Variants in IMPG2 observed in about 807,000 individuals in gnomAD.
IMPG2 encodes interphotoreceptor matrix proteoglycan 2, also known as IPM 200.
A neutral mutation model predicts 129.2 loss-of-function variants in IMPG2; 91 were observed. The observed-to-expected ratio is 0.70, with a 90% CI of 0.59 to 0.84. The LOEUF is 0.84. IMPG2 is among the 40% of genes least tolerant of loss of function. The probability of loss-of-function intolerance (pLI) is 0.00; values close to 1 mark genes in which losing one functional copy is unlikely to be tolerated. For missense variants in IMPG2, 1,430 were observed against 1,461.7 expected (o/e 0.98, Z 0.35); for synonymous variants, 510 against 517.7 (o/e 0.99, Z 0.20).
In IMPG2 at chr3:101,228,805, C is replaced by T; in HGVS notation, c.3705G>A (p.Glu1235=). 3.1e-6 allele frequency: 5 copies of T among 1,613,578 alleles called. No individual in the cohort carries two copies. The highest frequency in any genetic ancestry group is 4.2e-6 in the Non-Finnish European group (5 of 1,179,560). The change falls in exon 18 of 19, where the codon GAG becomes GAA. Residue 1235 remains glutamate (E), a synonymous_variant. Transcript: ENST00000193391. ...NDPEFAAFVR[E]QQVEEV is the part of the protein sequence containing the mutation. The stretch of plus-strand genomic sequence containing the variant: ...CTGTTTCAAAAGCTTACACTTGTTG[C>T]TCTCTCACAAAAGCTGCAAACTCAG...
chr3:101,305,555 T>G (rs1169431789), intron 2 of IMPG2, among the ~76,000 whole-genome samples: 1 of 152,092 alleles, frequency 6.6e-6, no homozygotes, highest in East Asian at 1.9e-4. Context: ...AAAATGTTAA[T>G]AACAGGGAAA....
intron 7 of IMPG2, among the ~76,000 whole-genome samples, chr3:101,269,993 C>G (rs1162501563): frequency 2.2e-5 from 3 of 134,926 alleles, no homozygotes; most frequent in African/African-American, 8.5e-5. Context: ...TGCAGTGGTG[C>G]GATCTTGGCT....
chr3:101,269,592 A>C lies in IMPG2; in HGVS notation c.829-19T>G. 1 of 1,452,526 alleles carries C rather than the reference A, an allele frequency of 6.9e-7. No homozygotes were observed. Among genetic ancestry groups the C allele is most frequent in the Non-Finnish European group, 9.7e-7 (1 of 1,033,666 alleles). The allele number at this position is 1,452,526 out of a possible 1,614,324, so 90.0% of individuals were successfully genotyped here. On this transcript the variant is annotated intron_variant, in intron 7 of 18. Coordinates refer to ENST00000193391, the MANE Select transcript of IMPG2 (RefSeq NM_016247.4). Reference sequence around the variant, plus strand: ...TTTCAACCTGTTAAAAGTACAAATAAAAATGATAACTATGTAAAAATATGG... The same window carrying C: ...TTTCAACCTGTTAAAAGTACAAATACAAATGATAACTATGTAAAAATATGG...
chr3:101,288,034 C>T, intron 4 of IMPG2, among the ~76,000 whole-genome samples: 1 of 151,676 alleles, frequency 6.6e-6, no homozygotes, highest in East Asian at 1.9e-4. Flanking sequence ...GGAATTTAAA[C>T]AATTCAACCA....
chr3:101,282,230 G>T (rs1576762427), intron 4 of IMPG2, among the ~76,000 whole-genome samples: 1 of 152,196 alleles, frequency 6.6e-6, no homozygotes, highest in East Asian at 1.9e-4. Flanking sequence ...GCAAATAAGG[G>T]TTTTAATGGA....
At chr3:101,301,614 C>A (rs1030261026) in intron 3 of IMPG2, among the ~76,000 whole-genome samples, 2 of 152,196 alleles carry the variant, frequency 1.3e-5, no homozygotes. Flanking sequence ...TGCTTCTTTG[C>A]CCTCGTTATT....
chr3:101,276,937 C>A lies in IMPG2; in HGVS notation c.534-224G>T, dbSNP rs541014932. On this transcript the variant is annotated intron_variant, in intron 4 of 18. Transcript: ENST00000193391. ...TAGAATCACCCTACCTAGAATTCTT[C>A]CCTAGTTATCTTTGCATCACCCTGT... Among the ~76,000 whole-genome samples the A allele has an allele frequency of 8.6e-4, 131 of 152,242 alleles. 1 individual carries two copies. Among genetic ancestry groups the A allele is most frequent in the Middle Eastern group, 3.4e-3 (1 of 294 alleles).
intron 11 of IMPG2, among the ~76,000 whole-genome samples, chr3:101,252,842 A>C (rs1335394523): frequency 6.6e-6 from 1 of 152,180 alleles, no homozygotes; most frequent in Non-Finnish European, 1.5e-5. Flanking sequence ...GTCGAGAAAC[A>C]AGTAATTCAA....
chr3:101,275,574 C>T lies in IMPG2; in HGVS notation c.666+89G>A. 9 of 950,772 alleles carry T rather than the reference C, an allele frequency of 9.5e-6. No individual in the cohort carries two copies. In the South Asian group the frequency reaches 1.2e-4, roughly 12 times the overall value. 58.9% of individuals were successfully genotyped at this position (950,772 alleles called of 1,614,324 possible). A position where few individuals can be genotyped will look rare whatever the true frequency, so the allele number is the denominator to read the frequency against. On this transcript the variant is annotated intron_variant, in intron 6 of 18. Transcript: ENST00000193391. The stretch of plus-strand genomic sequence containing the variant: ...TTTCTAACAGGACACTACATGAAGT[C>T]CTGTGTAGTCCAGCAATGGGAGATA...
rs193120038 is a variant in IMPG2 at position 101,320,352 on chromosome 3, A to C, written c.21T>G (p.Phe7Leu). The part of the protein sequence containing the change: MIMFPL[F>L]GKISLGILIF... ...TCAAAATACCCAGAGAAATCTTCCC[A>C]AAAAGAGGAAACATAATCATTTGGG... Residue 7 changes from phenylalanine (F) to leucine (L), a missense_variant, in exon 1 of 19, where the codon TTT (phenylalanine) becomes TTG (leucine). Transcript: ENST00000193391. 1.6e-4 allele frequency: 259 copies of C among 1,607,484 alleles called. No homozygotes were observed. In the East Asian group the frequency reaches 5.6e-3, roughly 35 times the overall value.
intron 4 of IMPG2, among the ~76,000 whole-genome samples, chr3:101,278,764 G>T (rs1706863799): frequency 6.6e-6 from 1 of 150,658 alleles, no homozygotes; most frequent in Admixed American, 6.6e-5. Flanking sequence ...ATCTAAAAAA[G>T]TAAGATGTTA....
At chr3:101,318,384 T>G (rs1180034791) in intron 2 of IMPG2, among the ~76,000 whole-genome samples, 7 of 152,032 alleles carry the variant, frequency 4.6e-5, no homozygotes, top group African/African-American at 7.2e-5. Context: ...CATAGTAATA[T>G]TTGATAGCTC....
chr3:101,257,867 G>T, intron 9 of IMPG2, 94 bp from the exon 10 acceptor site: 1 of 1,411,458 alleles, frequency 7.1e-7, no homozygotes. Context: ...GGACCTAGAG[G>T]GGGAGTCTCA....
At chr3:101,314,015 T>C (rs1240972522) in intron 2 of IMPG2, among the ~76,000 whole-genome samples, 1 of 152,092 alleles carries the variant, frequency 6.6e-6, no homozygotes, top group East Asian at 1.9e-4. Context: ...TCCTTATAAA[T>C]AAATCTGATA....
At chr3:101,313,125 A>G (rs1277214057) in intron 2 of IMPG2, among the ~76,000 whole-genome samples, 3 of 152,132 alleles carry the variant, frequency 2.0e-5, no homozygotes, top group Non-Finnish European at 4.4e-5. Context: ...AAGCTGTAAA[A>G]AATGCAATTC....
intron 2 of IMPG2, among the ~76,000 whole-genome samples, chr3:101,308,126 C>T (rs754673227): frequency 1.1e-4 from 16 of 152,188 alleles, no homozygotes; most frequent in East Asian, 3.9e-4. Flanking sequence ...GGGTACAGCC[C>T]GCCTCCCAGC....
chr3:101,316,946 G>A (rs142286814), intron 2 of IMPG2, among the ~76,000 whole-genome samples: 1 of 152,028 alleles, frequency 6.6e-6, no homozygotes, highest in East Asian at 1.9e-4. Flanking sequence ...ATTACACTGA[G>A]TAAAAGAAAC....
intron 10 of IMPG2, among the ~76,000 whole-genome samples, chr3:101,256,154 AAAGAAAG>A (rs1706600505): frequency 9.8e-6 from 1 of 102,026 alleles, no homozygotes; most frequent in African/African-American, 3.8e-5. Flanking sequence ...GAAAAGAAAG[AAAGAAAG>A]AAAGAAAGAA....
At chr3:101,227,850 C>A (rs2107202224) in intron 18 of IMPG2, 1 of 456,226 alleles carries the variant, frequency 2.2e-6, no homozygotes, top group Non-Finnish European at 4.4e-6. Flanking sequence ...GAACCACGAG[C>A]AAAGGAGCCA....
Sources: allele counts gnomAD v4.1 joint callset (sites outside exome capture counted in the v4.1 genomes callset), GRCh38; gene constraint gnomAD v4.1.1; transcripts MANE v1.5; gene names NCBI Gene and HGNC (gene_info 2026-07-23, HGNC 2026-07-21).